MBTPS1: variants seen among roughly 807,000 people sequenced by gnomAD.
The protein encoded by MBTPS1 is membrane bound transcription factor peptidase, site 1.
MBTPS1 carries 94 observed loss-of-function variants against 127.8 expected under a neutral mutation model. The ratio of observed to expected loss-of-function variants is 0.74; its 90% CI spans 0.62 to 0.87. MBTPS1 has a LOEUF of 0.87. Among genes scored for constraint, MBTPS1 ranks in the 40% least tolerant of loss-of-function variants. MBTPS1 has a pLI of 0.00. For synonymous variants in MBTPS1, 632 were observed against 509.4 expected, an observed-to-expected ratio of 1.24 and a Z score of -3.24; for missense variants, 1,636 against 1,353.2, an observed-to-expected ratio of 1.21 and a Z score of -3.28.
In MBTPS1 at chr16:84,078,231, C is replaced by T. The variant is rs1363201999; in HGVS notation, c.1449-3490G>A. ...ACCTAACAGAGCTACCGGGCGCTCTCGACCCGGACCAGCAGTGCCACCTTA... is the reference window on the plus strand; with the variant it reads ...ACCTAACAGAGCTACCGGGCGCTCTTGACCCGGACCAGCAGTGCCACCTTA... On this transcript the variant is annotated intron_variant, in intron 11 of 22. Coordinates refer to ENST00000343411, the MANE Select transcript of MBTPS1 (RefSeq NM_003791.4). Among the ~76,000 whole-genome samples the T allele has an allele frequency of 2.6e-5, 4 of 152,142 alleles. No homozygotes were observed. In the South Asian group the frequency reaches 8.3e-4, roughly 32 times the overall value.
intron 14 of MBTPS1, among the ~76,000 whole-genome samples, chr16:84,068,786 G>A (rs1222123157): frequency 6.6e-6 from 1 of 152,260 alleles, no homozygotes; most frequent in Non-Finnish European, 1.5e-5. Flanking sequence ...ATCTGTGTCT[G>A]ACAGAAGAGC....
intron 19 of MBTPS1, 129 bp downstream of exon 19, chr16:84,063,176 C>A (rs952114175): frequency 1.1e-6 from 1 of 938,714 alleles, no homozygotes; most frequent in Non-Finnish European, 1.6e-6. Context: ...TGCAACATCT[C>A]CAGCTGAGCC....
chr16:84,078,913 T>C (rs1330985989), intron 11 of MBTPS1, among the ~76,000 whole-genome samples: 1 of 152,214 alleles, frequency 6.6e-6, no homozygotes, highest in Non-Finnish European at 1.5e-5. Flanking sequence ...GTAGAAAGAA[T>C]GGGCGAGTGG....
chr16:84,104,954 T>C (rs2086303241), intron 1 of MBTPS1, among the ~76,000 whole-genome samples: 1 of 151,596 alleles, frequency 6.6e-6, no homozygotes, highest in African/African-American at 2.4e-5. Flanking sequence ...ATACAAAAAT[T>C]AGTTGGGCAT....
chr16:84,060,518 G>C, intron 20 of MBTPS1, 164 bp downstream of exon 20: 1 of 719,470 alleles, frequency 1.4e-6, no homozygotes, highest in Non-Finnish European at 2.2e-6. Context: ...CCTCTCGGCA[G>C]GTTAGAGCCG....
chr16:84,085,639 G>A (rs766714039), intron 9 of MBTPS1, among the ~76,000 whole-genome samples: 67 of 134,710 alleles, frequency 5.0e-4, no homozygotes, highest in Non-Finnish European at 8.7e-4. Context: ...AAGCTTAAAC[G>A]ATAATGTAGA....
At chr16:84,095,882 A>C (rs900288729) in intron 3 of MBTPS1, 77 bp from the exon 4 acceptor site, 1 of 1,170,534 alleles carries the variant, frequency 8.5e-7, no homozygotes, top group Non-Finnish European at 1.2e-6. Flanking sequence ...AAACTATCCT[A>C]AACACAGGGA....
At chr16:84,097,409 T>C (rs767112710) in intron 3 of MBTPS1, among the ~76,000 whole-genome samples, 1 of 152,162 alleles carries the variant, frequency 6.6e-6, no homozygotes, top group Non-Finnish European at 1.5e-5. Flanking sequence ...GGCTTCAAGA[T>C]GGAAAAGACG....
intron 11 of MBTPS1, among the ~76,000 whole-genome samples, chr16:84,079,312 C>T (rs2085904525): frequency 6.6e-6 from 1 of 152,160 alleles, no homozygotes; most frequent in Non-Finnish European, 1.5e-5. Context: ...TTTTTTATAG[C>T]AGTGCAAGAA....
chr16:84,058,390 T>C (rs368191818), intron 21 of MBTPS1, among the ~76,000 whole-genome samples: 1 of 152,104 alleles, frequency 6.6e-6, no homozygotes, highest in African/African-American at 2.4e-5. Flanking sequence ...AGGGGGCCTG[T>C]CAAGAGGGTA....
intron 6 of MBTPS1, among the ~76,000 whole-genome samples, chr16:84,092,160 C>T (rs1033957728): frequency 2.0e-5 from 3 of 152,134 alleles, no homozygotes; most frequent in Non-Finnish European, 4.4e-5. Context: ...CTCCCAACCG[C>T]CCCTCTCCTA....
chr16:84,089,320 A>T (rs2086072359), intron 8 of MBTPS1, among the ~76,000 whole-genome samples: 1 of 152,260 alleles, frequency 6.6e-6, no homozygotes, highest in African/African-American at 2.4e-5. Flanking sequence ...GTTCATTTAC[A>T]CATATATCAC....
intron 2 of MBTPS1, among the ~76,000 whole-genome samples, chr16:84,100,564 A>G (rs953875067): frequency 2.7e-5 from 4 of 148,560 alleles, no homozygotes; most frequent in Non-Finnish European, 4.5e-5. Context: ...AAAAGAAAAA[A>G]CAAAAATAAA....
At position 84,090,904 on chromosome 16, in the gene MBTPS1, A is replaced by G. The variant is rs933693075; in HGVS notation, c.1002T>C (p.Ser334=). ...AAAGAGGTCCGTCATTGCCAATAGC[A>G]GAAACCATGATTACATTGTTAGCTG... ...ELTANNVIMV[S]AIGNDGPLYG... Residue 334 remains serine (S), a synonymous_variant, in exon 8 of 23, where the codon TCT becomes TCC. Coordinates refer to ENST00000343411, the MANE Select transcript of MBTPS1 (RefSeq NM_003791.4). 3 of 1,613,616 alleles carry G rather than the reference A, an allele frequency of 1.9e-6. No individual in the cohort carries two copies. Among genetic ancestry groups the G allele is most frequent in the African/African-American group, 1.3e-5 (1 of 74,914 alleles).
intron 3 of MBTPS1, 115 bp from the exon 4 acceptor site, chr16:84,095,920 G>T: frequency 1.3e-6 from 1 of 751,846 alleles, no homozygotes; most frequent in East Asian, 2.6e-5. Context: ...TCTGTTTGAA[G>T]GAAAGTGGGA....
At chr16:84,074,977 G>C (rs544796242) in intron 11 of MBTPS1, 374 of 333,454 alleles carry the variant, frequency 1.1e-3, no homozygotes, top group Non-Finnish European at 1.8e-3. Context: ...CTCTGCTTTT[G>C]CAAGTCTGGA....
At chr16:84,095,369 T>A (rs1405354775) in intron 4 of MBTPS1, among the ~76,000 whole-genome samples, 1 of 152,188 alleles carries the variant, frequency 6.6e-6, no homozygotes, top group African/African-American at 2.4e-5. Context: ...TGGTGACAAT[T>A]AGGAAAGCCA....
At chr16:84,109,167 G>A (rs180759762) in intron 1 of MBTPS1, among the ~76,000 whole-genome samples, 4 of 152,202 alleles carry the variant, frequency 2.6e-5, no homozygotes, top group African/African-American at 7.2e-5. Context: ...TCTGGGTACG[G>A]TAAGAACAAG....
chr16:84,070,461 G>C (rs926140304), intron 13 of MBTPS1, 127 bp downstream of exon 13: 2 of 906,392 alleles, frequency 2.2e-6, no homozygotes, highest in African/African-American at 3.4e-5. Context: ...CATCAATTGT[G>C]GCCATCGAGG....
Sources: gnomAD v4.1 joint callset for allele counts (sites outside exome capture counted in the v4.1 genomes callset) on GRCh38, gnomAD v4.1.1 for gene constraint, MANE v1.5 for transcripts, NCBI Gene and HGNC (gene_info 2026-07-23, HGNC 2026-07-21) for gene names.